SLC49A4: variants seen among roughly 807,000 people sequenced by gnomAD.
SLC49A4 encodes the protein solute carrier family 49 member 4.
Under a neutral mutation model 50.6 loss-of-function variants are expected in SLC49A4, and 36 were observed. The ratio of observed to expected loss-of-function variants is 0.71; its 90% confidence interval spans 0.55 to 0.94. SLC49A4 has a LOEUF of 0.94. Ranked by LOEUF, SLC49A4 falls within the 40% of genes least tolerant of loss-of-function variation. The pLI is 0.00. For missense variants in SLC49A4, 503 were observed against 605.7 expected (o/e 0.83, Z 1.78); for synonymous variants, 248 against 241.2 (o/e 1.03, Z -0.26).
intron 6 of SLC49A4, among the ~76,000 whole-genome samples, chr3:122,857,253 G>A (rs1327354147): frequency 1.7e-5 from 2 of 120,692 alleles, no homozygotes; most frequent in Admixed American, 2.0e-4. Context: ...GTTAGAATGA[G>A]TCAGAAGTAG....
In SLC49A4 at chr3:122,835,050, C is replaced by T. The variant is rs564372955; in HGVS notation, c.833+1604C>T. Reference sequence around the variant, plus strand: ...CCAATAATGAGCCGTGAGATTGATTCAGTAACTTAAAAATTGCCAACCAAG... The same window carrying T: ...CCAATAATGAGCCGTGAGATTGATTTAGTAACTTAAAAATTGCCAACCAAG... On this transcript the variant is annotated intron_variant, in intron 4 of 8. Coordinates refer to ENST00000261038, the MANE Select transcript of SLC49A4 (RefSeq NM_032839.3). Among the ~76,000 whole-genome samples, 3 of 152,206 alleles carry T rather than the reference C, an allele frequency of 2.0e-5. No individual in the cohort carries two copies. The East Asian group carries it at 5.8e-4, about 29-fold the overall frequency.
At chr3:122,859,301 A>G (rs1004586804) in intron 6 of SLC49A4, among the ~76,000 whole-genome samples, 2 of 152,182 alleles carry the variant, frequency 1.3e-5, no homozygotes, top group African/African-American at 2.4e-5. Flanking sequence ...TATGAGAAAC[A>G]GAAACATGGC....
At chr3:122,849,171 G>T (rs1016469306) in intron 5 of SLC49A4, among the ~76,000 whole-genome samples, 1 of 152,096 alleles carries the variant, frequency 6.6e-6, no homozygotes, top group Admixed American at 6.6e-5. Context: ...ATATTCCATT[G>T]TGTATATATC....
At chr3:122,835,597 A>C (rs561776258) in intron 4 of SLC49A4, among the ~76,000 whole-genome samples, 31 of 152,292 alleles carry the variant, frequency 2.0e-4, no homozygotes, top group Admixed American at 8.5e-4. Context: ...TAGGCATAGA[A>C]GGGACATACT....
chr3:122,871,728 T>C (rs193072883), intron 7 of SLC49A4, among the ~76,000 whole-genome samples: 1 of 152,216 alleles, frequency 6.6e-6, no homozygotes, highest in Admixed American at 6.5e-5. Context: ...TGTAGTATAT[T>C]TCCCCAGACT....
intron 4 of SLC49A4, among the ~76,000 whole-genome samples, chr3:122,840,978 T>C (rs1334580808): frequency 2.0e-5 from 3 of 152,240 alleles, no homozygotes; most frequent in East Asian, 1.9e-4. Flanking sequence ...CAAATTTCCA[T>C]AGCTAAAAAC....
Position 122,860,212 on chromosome 3 carries a change from G to C in SLC49A4, c.1138+10G>C. 1 of 1,570,522 alleles carries C rather than the reference G, an allele frequency of 6.4e-7. No homozygotes were observed. Among genetic ancestry groups the C allele is most frequent in the Non-Finnish European group, 8.6e-7 (1 of 1,161,898 alleles). ...CTACCTTTAACCACAGGTGAGCATA[G>C]GCTATTTTTGAACTTTTAATAAATA... On this transcript the variant is annotated intron_variant, in intron 7 of 8. Transcript: ENST00000261038.
chr3:122,855,072 G>A (rs1253893687), intron 5 of SLC49A4, among the ~76,000 whole-genome samples: 3 of 150,902 alleles, frequency 2.0e-5, no homozygotes, highest in African/African-American at 4.9e-5. Flanking sequence ...CAGCCTGGGC[G>A]ACAGAGCAAG....
chr3:122,808,615 G>A (rs1210881235), intron 2 of SLC49A4, among the ~76,000 whole-genome samples: 2 of 152,138 alleles, frequency 1.3e-5, no homozygotes, highest in Non-Finnish European at 2.9e-5. Flanking sequence ...TTAAGACCAC[G>A]TCAGCTCCTC....
chr3:122,806,519 A>G (rs1445570044), intron 1 of SLC49A4, among the ~76,000 whole-genome samples: 4 of 152,094 alleles, frequency 2.6e-5, no homozygotes, highest in Non-Finnish European at 4.4e-5. Flanking sequence ...CCGGGATTAC[A>G]GGTGTAATCC....
intron 1 of SLC49A4, among the ~76,000 whole-genome samples, chr3:122,804,496 T>A (rs1399121039): frequency 1.3e-5 from 2 of 152,202 alleles, no homozygotes; most frequent in Non-Finnish European, 2.9e-5. Context: ...TTTGATTACA[T>A]GGAATTATAG....
intron 4 of SLC49A4, among the ~76,000 whole-genome samples, chr3:122,837,931 A>T (rs1433501178): frequency 6.6e-6 from 1 of 152,086 alleles, no homozygotes; most frequent in Non-Finnish European, 1.5e-5. Flanking sequence ...AGAAGACATT[A>T]ATGCAGCCAA....
intron 2 of SLC49A4, among the ~76,000 whole-genome samples, chr3:122,812,444 A>G (rs1459726953): frequency 6.6e-6 from 1 of 152,198 alleles, no homozygotes; most frequent in Non-Finnish European, 1.5e-5. Flanking sequence ...AAAATACAGA[A>G]GATTCAGATT....
At chr3:122,844,872 A>AATAT (rs35644046) in intron 4 of SLC49A4, among the ~76,000 whole-genome samples, 2 of 150,302 alleles carry the variant, frequency 1.3e-5, no homozygotes, top group East Asian at 1.9e-4. Context: ...CTTCTTGAAG[A>AATAT]ATATATATAT....
intron 3 of SLC49A4, 144 bp downstream of exon 3, chr3:122,827,209 C>T: frequency 1.1e-6 from 1 of 896,806 alleles, no homozygotes; most frequent in South Asian, 1.8e-5. Context: ...CATTCCTTGT[C>T]ATATGATATA....
intron 1 of SLC49A4, among the ~76,000 whole-genome samples, chr3:122,804,829 A>G (rs1051507188): frequency 2.0e-5 from 3 of 152,212 alleles, no homozygotes; most frequent in African/African-American, 7.2e-5. Context: ...ATTTACTCTT[A>G]AAAGTTTATA....
chr3:122,821,323 C>T (rs1311151178), intron 2 of SLC49A4, among the ~76,000 whole-genome samples: 1 of 151,952 alleles, frequency 6.6e-6, no homozygotes, highest in Non-Finnish European at 1.5e-5. Context: ...CAGAAGTAGA[C>T]AGAGGCTAGG....
At chr3:122,840,977 A>G (rs73856723) in intron 4 of SLC49A4, among the ~76,000 whole-genome samples, 1 of 152,332 alleles carries the variant, frequency 6.6e-6, no homozygotes, top group African/African-American at 2.4e-5. Context: ...ACAAATTTCC[A>G]TAGCTAAAAA....
intron 2 of SLC49A4, among the ~76,000 whole-genome samples, chr3:122,816,379 G>T (rs1936367386): frequency 6.6e-6 from 1 of 152,106 alleles, no homozygotes; most frequent in African/African-American, 2.4e-5. Flanking sequence ...TCAGTAAGGA[G>T]CAAGAAACAC....
Sources: allele counts gnomAD v4.1 joint callset (sites outside exome capture counted in the v4.1 genomes callset), GRCh38; gene constraint gnomAD v4.1.1; transcripts MANE v1.5; gene names NCBI Gene and HGNC (gene_info 2026-07-23, HGNC 2026-07-21).